The following KCNMB2 variants were observed in gnomAD, a reference collection of about 807,000 sequenced individuals.
KCNMB2 encodes calcium-activated potassium channel subunit beta-2.
A neutral mutation model predicts 24.5 loss-of-function variants in KCNMB2; 9 were observed. That is an observed-to-expected ratio of 0.37 (90% CI 0.22 to 0.64). The LOEUF (loss-of-function observed/expected upper bound fraction) is 0.64, where lower values mean the gene tolerates loss of function less well. Among genes scored for constraint, KCNMB2 ranks in the 30% least tolerant of loss-of-function variants. The pLI, the probability that KCNMB2 is intolerant of heterozygous loss-of-function variation, is 0.63. For missense variants in KCNMB2, 226 were observed against 284.3 expected, an observed-to-expected ratio of 0.79 and a Z score of 1.47; for synonymous variants, 109 against 104.4, an observed-to-expected ratio of 1.04 and a Z score of -0.27.
intron 1 of KCNMB2, among the ~76,000 whole-genome samples, chr3:178,613,373 G>T (rs964558595): frequency 6.6e-6 from 1 of 152,140 alleles, no homozygotes. Flanking sequence ...CTTTACACAC[G>T]GTTACAGTGT....
Position 178,620,596 on chromosome 3 carries a change from T to C in KCNMB2, c.-68+83885T>C, listed in dbSNP as rs115598801. Among the ~76,000 whole-genome samples the C allele has an allele frequency of 1.2e-3, 189 of 152,322 alleles. 1 individual carries two copies. The highest frequency in any genetic ancestry group is 4.5e-3 in the African/African-American group (188 of 41,572). Reference sequence around the variant, plus strand: ...AATGAGCTAATTCTATGAGGTCTCCTTAATAAGAACACTAAGCACTCATGA... The same window carrying C: ...AATGAGCTAATTCTATGAGGTCTCCCTAATAAGAACACTAAGCACTCATGA... On this transcript the variant is annotated intron_variant, in intron 1 of 4. Coordinates refer to ENST00000452583, the MANE Select transcript of KCNMB2 (RefSeq NM_181361.3).
At chr3:178,551,263 T>A (rs1715944305) in intron 1 of KCNMB2, among the ~76,000 whole-genome samples, 1 of 152,182 alleles carries the variant, frequency 6.6e-6, no homozygotes, top group Admixed American at 6.5e-5. Flanking sequence ...ATTTTGTAGA[T>A]TACACATTGA....
At chr3:178,760,359 TCC>T (rs1711783308) in intron 1 of KCNMB2, among the ~76,000 whole-genome samples, 2 of 114,542 alleles carry the variant, frequency 1.7e-5, no homozygotes, top group Admixed American at 9.5e-5. Context: ...CATATATATA[TCC>T]ATATCCAAGA....
At chr3:178,608,527 T>C (rs1285341363) in intron 1 of KCNMB2, among the ~76,000 whole-genome samples, 3 of 152,180 alleles carry the variant, frequency 2.0e-5, no homozygotes, top group Admixed American at 6.5e-5. Context: ...ATCCATTGAG[T>C]TACAAACAAT....
At chr3:178,549,542 G>A (rs546921014) in intron 1 of KCNMB2, among the ~76,000 whole-genome samples, 3 of 147,786 alleles carry the variant, frequency 2.0e-5, no homozygotes, top group South Asian at 2.1e-4. Flanking sequence ...AGCCAGGCTG[G>A]TCTTGAATGC....
chr3:178,774,897 T>G (rs907926782), intron 1 of KCNMB2, among the ~76,000 whole-genome samples: 4 of 152,226 alleles, frequency 2.6e-5, no homozygotes, highest in African/African-American at 9.6e-5. Flanking sequence ...ATCTCAGTAT[T>G]TTCCTTGTTC....
At chr3:178,708,798 G>A (rs1722361374) in intron 1 of KCNMB2, among the ~76,000 whole-genome samples, 1 of 152,112 alleles carries the variant, frequency 6.6e-6, no homozygotes, top group Admixed American at 6.6e-5. Context: ...AACTTCAAAT[G>A]TAGTCATTCA....
intron 1 of KCNMB2, among the ~76,000 whole-genome samples, chr3:178,728,709 A>T (rs1406062434): frequency 6.6e-6 from 1 of 152,156 alleles, no homozygotes; most frequent in Non-Finnish European, 1.5e-5. Flanking sequence ...GACTACCTCC[A>T]TCCAGAGTTA....
intron 2 of KCNMB2, among the ~76,000 whole-genome samples, chr3:178,825,168 T>C (rs1470350619): frequency 6.6e-6 from 1 of 152,254 alleles, no homozygotes; most frequent in Non-Finnish European, 1.5e-5. Context: ...TTGCCATTTA[T>C]TTGAATCAAT....
At chr3:178,740,958 G>A (rs1268176298) in intron 1 of KCNMB2, among the ~76,000 whole-genome samples, 1 of 152,094 alleles carries the variant, frequency 6.6e-6, no homozygotes, top group Non-Finnish European at 1.5e-5. Context: ...CTTCACAAGT[G>A]ACAAATTAAA....
intron 1 of KCNMB2, among the ~76,000 whole-genome samples, chr3:178,581,947 G>A (rs1434935081): frequency 2.0e-5 from 3 of 152,234 alleles, no homozygotes; most frequent in Admixed American, 2.0e-4. Context: ...GTGGAAGACA[G>A]TGTGGCAGTT....
rs538901093 is a variant in KCNMB2 at position 178,797,361 on chromosome 3, G to C, written c.-67-9982G>C. ...AACTATTCAAAAAAATAGAGCAGTA[G>C]GGAACACTTCCAAACTCTGTCTATG... On this transcript the variant is annotated intron_variant, in intron 1 of 4. Coordinates refer to ENST00000452583, the MANE Select transcript of KCNMB2 (RefSeq NM_181361.3). Among the ~76,000 whole-genome samples, 48 of 152,212 alleles carry C rather than the reference G, an allele frequency of 3.2e-4. 1 individual carries two copies. In the South Asian group the frequency reaches 4.4e-3, roughly 14 times the overall value.
chr3:178,555,871 A>C (rs900819813), intron 1 of KCNMB2, among the ~76,000 whole-genome samples: 4 of 152,228 alleles, frequency 2.6e-5, no homozygotes, highest in African/African-American at 9.6e-5. Flanking sequence ...GGATCACCAA[A>C]GAGGGGAAAG....
chr3:178,828,925 C>CTGTGTGTG lies in KCNMB2; in HGVS notation c.423+594_423+601dup, dbSNP rs71181254. Among the ~76,000 whole-genome samples, 30 of 142,844 alleles carry CTGTGTGTG rather than the reference C, an allele frequency of 2.1e-4. No individual in the cohort carries two copies. In the East Asian group the frequency reaches 2.9e-3, roughly 14 times the overall value. The allele number at this position is 142,844 out of a possible 152,430, so 93.7% of individuals were successfully genotyped here. A position where few individuals can be genotyped will look rare whatever the true frequency, so the allele number is the denominator to read the frequency against. On this transcript the variant is annotated intron_variant, in intron 4 of 4. Transcript: ENST00000452583. ...GCATGCTACTTTCAACCCATGGTCA[C>CTGTGTGTG]TGTGTGTGTGTGTGTGTGTGTGTGT...
rs79145432 is a variant in KCNMB2 at position 178,637,397 on chromosome 3, T to C, written c.-68+100686T>C. 6.9e-3 allele frequency among the ~76,000 whole-genome samples: 1,047 copies of C among 152,310 alleles called. 13 individuals carry two copies. The highest frequency in any genetic ancestry group is 0.024 in the African/African-American group (1,017 of 41,564). On this transcript the variant is annotated intron_variant, in intron 1 of 4. Transcript: ENST00000452583. ...TATCTTTGTTTCCTATTTTCTTTTC[T>C]TGAGGTTAGGAGTTCCTGTGACACA... is the stretch of plus-strand genomic sequence containing the variant.
At chr3:178,604,753 C>A (rs1383972415) in intron 1 of KCNMB2, among the ~76,000 whole-genome samples, 1 of 152,124 alleles carries the variant, frequency 6.6e-6, no homozygotes, top group African/African-American at 2.4e-5. Flanking sequence ...AAGTTACTTG[C>A]CTTGTATGAG....
chr3:178,609,873 A>T (rs1030973394), intron 1 of KCNMB2, among the ~76,000 whole-genome samples: 2 of 152,126 alleles, frequency 1.3e-5, no homozygotes, highest in African/African-American at 4.8e-5. Flanking sequence ...CCTGGGATCA[A>T]GCAATCCACA....
At chr3:178,725,666 C>T (rs1722944098) in intron 1 of KCNMB2, among the ~76,000 whole-genome samples, 2 of 152,126 alleles carry the variant, frequency 1.3e-5, no homozygotes, top group Admixed American at 1.3e-4. Context: ...AGAATATAAT[C>T]TATCTTAGTG....
intron 1 of KCNMB2, among the ~76,000 whole-genome samples, chr3:178,768,995 T>C (rs560964628): frequency 6.6e-6 from 1 of 152,286 alleles, no homozygotes; most frequent in South Asian, 2.1e-4. Flanking sequence ...CTGTCTAATG[T>C]CCAAAGCAAA....
Sources: gnomAD v4.1 joint callset for allele counts (sites outside exome capture counted in the v4.1 genomes callset) on GRCh38, gnomAD v4.1.1 for gene constraint, MANE v1.5 for transcripts, NCBI Gene and HGNC (gene_info 2026-07-23, HGNC 2026-07-21) for gene names.